MX1: variants seen among roughly 807,000 people sequenced by gnomAD.
MX1 encodes MX dynamin like GTPase 1, also known as interferon-induced GTP-binding protein Mx1.
Under a neutral mutation model 66.4 loss-of-function variants are expected in MX1, and 66 were observed. The ratio of observed to expected loss-of-function variants is 0.99; its 90% CI spans 0.82 to 1.22. The LOEUF (loss-of-function observed/expected upper bound fraction) is 1.22. MX1 is among the 50% of genes most tolerant of loss of function. MX1 has a pLI of 0.00. For missense variants in MX1, 787 were observed against 834.3 expected, an observed-to-expected ratio of 0.94 and a Z score of 0.70; for synonymous variants, 311 against 318.1, an observed-to-expected ratio of 0.98 and a Z score of 0.24.
chr21:41,425,092 A>G (rs2090034753), upstream of MX1, among the ~76,000 whole-genome samples: 1 of 152,180 alleles, frequency 6.6e-6, no homozygotes, highest in Non-Finnish European at 1.5e-5. Flanking sequence ...ATTTTAGCCT[A>G]TGTGTTACTT....
chr21:41,432,017 T>C, intron 4 of MX1, 33 bp from the exon 5 acceptor site: 9 of 1,582,606 alleles, frequency 5.7e-6, no homozygotes, highest in Non-Finnish European at 7.8e-6. Context: ...CCCAGCTGCT[T>C]ATCTGTTCAA....
chr21:41,446,362 G>A (rs1032991351), intron 13 of MX1, among the ~76,000 whole-genome samples: 1 of 152,132 alleles, frequency 6.6e-6, no homozygotes, highest in African/African-American at 2.4e-5. Flanking sequence ...AGCTTCCTCG[G>A]ACCTCTTTTT....
At chr21:41,448,697 T>C (rs1168319402) in intron 13 of MX1, among the ~76,000 whole-genome samples, 2 of 152,032 alleles carry the variant, frequency 1.3e-5, no homozygotes, top group Non-Finnish European at 2.9e-5. Flanking sequence ...TCCCAGCTAC[T>C]TGGGAGGCTG....
At chr21:41,439,888 G>A (rs2090459393) in intron 8 of MX1, 40 bp downstream of exon 8, 1 of 1,585,064 alleles carries the variant, frequency 6.3e-7, no homozygotes, top group Non-Finnish European at 8.6e-7. Context: ...CCGTGGCGTG[G>A]GGATGGGGGA....
upstream of MX1, chr21:41,426,110 G>C: frequency 5.8e-6 from 1 of 173,776 alleles, no homozygotes; most frequent in Non-Finnish European, 1.2e-5. Flanking sequence ...CTGCAGGTGC[G>C]GGGCCAGGAG....
chr21:41,423,708 G>A (rs1601452529), upstream of MX1, among the ~76,000 whole-genome samples: 1 of 152,208 alleles, frequency 6.6e-6, no homozygotes. Context: ...ATTATTGTAT[G>A]ACTGACTGCT....
At chr21:41,456,776 T>C (rs561322207) in intron 16 of MX1, among the ~76,000 whole-genome samples, 34 of 152,104 alleles carry the variant, frequency 2.2e-4, no homozygotes, top group Non-Finnish European at 3.8e-4. Context: ...TTGGTTTTTT[T>C]TTGGTGACAG....
In MX1 at chr21:41,435,915, C is replaced by G. The variant is rs201042683; in HGVS notation, c.184C>G (p.Leu62Val). Residue 62 changes from leucine to valine, a missense_variant, in exon 6 of 17, where the codon CTA becomes GTA. Leu to Val is a conservative substitution (Grantham distance 32). Coordinates refer to ENST00000398598, the MANE Select transcript of MX1 (RefSeq NM_002462.5). ...CGACCTCATTGACTCCCTGCGGGCT[C>G]TAGGTGTGGAGCAGGACCTGGCCCT... ...CIDLIDSLRALGVEQDLALPA... is the reference protein window; with the variant it reads ...CIDLIDSLRAVGVEQDLALPA... The G allele has an allele frequency of 6.2e-7, 1 of 1,614,222 alleles. No individual in the cohort carries two copies. The highest frequency in any genetic ancestry group is 8.5e-7 in the Non-Finnish European group (1 of 1,180,038).
chr21:41,448,938 G>GCC (rs1335612377), intron 13 of MX1, among the ~76,000 whole-genome samples, 199 bp from the exon 14 acceptor site: 2,354 of 33,956 alleles, frequency 0.069, 86 homozygotes, highest in African/African-American at 0.39. Flanking sequence ...TTTTGTGTGT[G>GCC]TGTGTGTGTG....
intron 13 of MX1, among the ~76,000 whole-genome samples, chr21:41,448,528 G>A (rs533768484): frequency 3.5e-4 from 53 of 152,242 alleles, no homozygotes; most frequent in African/African-American, 1.2e-3. Flanking sequence ...GGTCTTGGCC[G>A]GGCACGGTGG....
In MX1 at chr21:41,440,901, C is replaced by T; in HGVS notation, c.606C>T (p.Ile202=). Residue 202 remains isoleucine, a synonymous_variant, in exon 9 of 17, where the codon ATC becomes ATT. Coordinates refer to ENST00000398598, the MANE Select transcript of MX1 (RefSeq NM_002462.5). ...TTTCCTTACAGATCAAGACACTCAT[C>T]AAGAAGTACATCCAGAGGCAGGAGA... is the stretch of plus-strand genomic sequence containing the variant. ...ADIGYKIKTL[I]KKYIQRQETI... is the part of the protein sequence containing the mutation. The T allele has an allele frequency of 2.5e-6, 4 of 1,614,236 alleles. No individual in the cohort carries two copies. The highest frequency in any genetic ancestry group is 3.4e-6 in the Non-Finnish European group (4 of 1,180,040).
At chr21:41,452,073 C>T (rs13050932) in intron 15 of MX1, among the ~76,000 whole-genome samples, 24,535 of 151,888 alleles carry the variant, frequency 0.16, 2,184 homozygotes, top group East Asian at 0.28. Flanking sequence ...CTGATAAGGC[C>T]TTCCTCAGAA....
At chr21:41,431,791 A>G (rs370106711) in intron 4 of MX1, 23 of 365,402 alleles carry the variant, frequency 6.3e-5, no homozygotes, top group East Asian at 1.2e-4. Flanking sequence ...ATATTCTTGA[A>G]GCGCCTTGAG....
intron 12 of MX1, 173 bp downstream of exon 12, chr21:41,445,743 TG>T: frequency 3.3e-6 from 3 of 921,986 alleles, no homozygotes; most frequent in East Asian, 5.2e-5. Flanking sequence ...AGTGCAGATG[TG>T]GGGGTGGAGT....
intron 4 of MX1, 125 bp from the exon 5 acceptor site, chr21:41,431,925 A>G: frequency 1.5e-6 from 1 of 678,208 alleles, no homozygotes. Flanking sequence ...CTCTGGGGAC[A>G]TCACCATGAA....
In MX1 at chr21:41,441,473, C is replaced by T. The variant is rs758104479; in HGVS notation, c.731-243C>T. The T allele has an allele frequency of 1.2e-5, 7 of 566,494 alleles. No homozygotes were observed. The highest frequency in any genetic ancestry group is 4.1e-5 in the South Asian group (2 of 48,826). 35.1% of individuals were successfully genotyped at this position (566,494 alleles called of 1,614,324 possible). A position where few individuals can be genotyped will look rare whatever the true frequency, so the allele number is the denominator to read the frequency against. On this transcript the variant is annotated intron_variant, in intron 9 of 16. Coordinates refer to ENST00000398598, the MANE Select transcript of MX1 (RefSeq NM_002462.5). The surrounding 1 kb of genome is among the most constrained non-coding windows in gnomAD (Gnocchi z 4.0). Reference sequence around the variant, plus strand: ...AACGTGGCGTGTTCTACAGTGGACCCGGGTGAAGGAGCTTGGGGAGAGCCA... The same window carrying T: ...AACGTGGCGTGTTCTACAGTGGACCTGGGTGAAGGAGCTTGGGGAGAGCCA...
chr21:41,428,416 G>A (rs1419283912), intron 3 of MX1: 1 of 152,278 alleles, frequency 6.6e-6, no homozygotes, highest in Non-Finnish European at 1.5e-5. Flanking sequence ...GGAGGCTCTG[G>A]AGGCCAGCCC....
chr21:41,454,187 TA>T (rs1425914391), intron 16 of MX1, among the ~76,000 whole-genome samples: 1 of 152,222 alleles, frequency 6.6e-6, no homozygotes, highest in Non-Finnish European at 1.5e-5. Flanking sequence ...TATTTTTAGG[TA>T]AAATATTTGT....
chr21:41,441,887 T>C lies in MX1; in HGVS notation c.902T>C (p.Ile301Thr), dbSNP rs373854920. 7 of 1,613,966 alleles carry C rather than the reference T, an allele frequency of 4.3e-6. No homozygotes were observed. The African/African-American group carries it at 9.3e-5, about 22-fold the overall frequency. Reference protein sequence around the residue: ...SLSEALQREKIFFENHPYFRD... With the variant: ...SLSEALQREKTFFENHPYFRD... ...TCCGAAGCCCTGCAGAGAGAGAAGA[T>C]CTTCTTTGAGAACCACCCATATTTC... is the stretch of plus-strand genomic sequence containing the variant. The change falls in exon 10 of 17, where the codon ATC (isoleucine) becomes ACC (threonine). Residue 301 changes from isoleucine (I) to threonine (T), a missense_variant. Ile to Thr is a moderately conservative substitution (Grantham distance 89). Transcript: ENST00000398598. This position sits in a 1 kb window ranked among gnomAD's most constrained non-coding sequence, Gnocchi z 4.0.
Sources: gnomAD v4.1 joint callset for allele counts (sites outside exome capture counted in the v4.1 genomes callset) on GRCh38, gnomAD v4.1.1 for gene constraint, Gnocchi (gnomAD v3.1) non-coding constraint, MANE v1.5 for transcripts, NCBI Gene and HGNC (gene_info 2026-07-23, HGNC 2026-07-21) for gene names.